Variants in WWOX observed in about 807,000 individuals in gnomAD.
WWOX encodes WW domain-containing oxidoreductase.
In WWOX, 69 loss-of-function variants were observed where a neutral mutation model predicts 46.2. The observed-to-expected ratio is 1.49, with a 90% CI of 1.23 to 1.82. The LOEUF is 1.82. WWOX is among the 40% of genes most tolerant of loss of function. The pLI, the probability that WWOX is intolerant of heterozygous loss-of-function variation, is 0.00. For missense variants in WWOX, 919 were observed against 542.6 expected, an observed-to-expected ratio of 1.69 and a Z score of -6.89; for synonymous variants, 359 against 202.6, an observed-to-expected ratio of 1.77 and a Z score of -6.56.
At chr16:78,611,436 AT>A (rs2151630875) in intron 8 of WWOX, among the ~76,000 whole-genome samples, 1 of 152,270 alleles carries the variant, frequency 6.6e-6, no homozygotes, top group East Asian at 1.9e-4. Context: ...TCTTTGGTGC[AT>A]TTTATTGTGT....
At chr16:78,693,180 G>C (rs940534560) in intron 8 of WWOX, among the ~76,000 whole-genome samples, 5 of 152,168 alleles carry the variant, frequency 3.3e-5, no homozygotes, top group Non-Finnish European at 2.9e-5. Flanking sequence ...CCCATCTCTT[G>C]TTCAACTCAG....
In WWOX at chr16:78,137,434, C is replaced by T. The variant is rs184795349; in HGVS notation, c.409+22280C>T. Among the ~76,000 whole-genome samples the T allele has an allele frequency of 8.5e-3, 1,298 of 152,216 alleles. 31 individuals are homozygous for T. The highest frequency in any genetic ancestry group is 0.03 in the African/African-American group (1,250 of 41,518). ...TCAGCATCACAGAGTTGTGAGAATT[C>T]GACAAGGTGGAATGAAAGCAACTAG... On this transcript the variant is annotated intron_variant, in intron 4 of 8. Transcript: ENST00000566780.
rs188480717 is a variant in WWOX at position 79,189,383 on chromosome 16, G to A, written c.1057-22225G>A. On this transcript the variant is annotated intron_variant, in intron 8 of 8. Coordinates refer to ENST00000566780, the MANE Select transcript of WWOX (RefSeq NM_016373.4). Reference sequence around the variant, plus strand: ...GGTGATCCTCCTGTCTCAGCCTCCCGAGTAGCTGGGACTACAGGCATGCAC... The same window carrying A: ...GGTGATCCTCCTGTCTCAGCCTCCCAAGTAGCTGGGACTACAGGCATGCAC... Among the ~76,000 whole-genome samples the A allele has an allele frequency of 4.1e-3, 616 of 150,812 alleles. 5 individuals are homozygous for A. Among genetic ancestry groups the A allele is most frequent in the African/African-American group, 0.014 (568 of 40,938 alleles).
intron 5 of WWOX, among the ~76,000 whole-genome samples, chr16:78,264,108 G>A (rs1025990792): frequency 4.8e-5 from 7 of 145,220 alleles, no homozygotes; most frequent in Non-Finnish European, 1.0e-4. Context: ...TTGTAACGGT[G>A]ATCACTTCTT....
intron 6 of WWOX, among the ~76,000 whole-genome samples, chr16:78,415,257 T>A (rs2082771650): frequency 6.6e-6 from 1 of 152,082 alleles, no homozygotes; most frequent in African/African-American, 2.4e-5. Flanking sequence ...ATGTGTACAC[T>A]GTCATGGTGC....
intron 8 of WWOX, among the ~76,000 whole-genome samples, chr16:78,989,432 G>A (rs4888902): frequency 0.13 from 19,209 of 152,160 alleles, 1,341 homozygotes; most frequent in East Asian, 0.24. Flanking sequence ...CACAAATATT[G>A]CATCCAGGCA....
intron 8 of WWOX, among the ~76,000 whole-genome samples, chr16:78,863,061 C>A (rs566846182): frequency 6.6e-6 from 1 of 150,616 alleles, no homozygotes; most frequent in African/African-American, 2.4e-5. Context: ...CAGGTTCAAG[C>A]GATTCTCCTG....
chr16:78,965,421 T>A (rs2046346481), intron 8 of WWOX, among the ~76,000 whole-genome samples: 1 of 151,964 alleles, frequency 6.6e-6, no homozygotes, highest in South Asian at 2.1e-4. Flanking sequence ...ATACAAAAAA[T>A]TAGCTGGGCA....
chr16:78,314,462 CT>C (rs2080314384), intron 5 of WWOX, among the ~76,000 whole-genome samples: 1 of 149,610 alleles, frequency 6.7e-6, no homozygotes, highest in Non-Finnish European at 1.5e-5. Context: ...ATTTATCCCC[CT>C]GCTGCCAGTA....
At chr16:78,764,967 G>A (rs1226662180) in intron 8 of WWOX, among the ~76,000 whole-genome samples, 1 of 152,090 alleles carries the variant, frequency 6.6e-6, no homozygotes, top group Non-Finnish European at 1.5e-5. Flanking sequence ...AATATTTTTT[G>A]AGCTTTCAGA....
At chr16:78,139,783 A>G (rs766691867) in intron 4 of WWOX, among the ~76,000 whole-genome samples, 1 of 152,224 alleles carries the variant, frequency 6.6e-6, no homozygotes, top group Non-Finnish European at 1.5e-5. Context: ...GGATGTGATT[A>G]CAAAGAGAGG....
intron 8 of WWOX, among the ~76,000 whole-genome samples, chr16:78,930,222 T>TTCCTTCCTTCCTTCCTTCCTTCCTTC: frequency 9.5e-6 from 1 of 104,998 alleles, no homozygotes; most frequent in East Asian, 2.4e-4. Context: ...TCAGGACCTT[T>TTCCTTCCTTCCTTCCTTCCTTCCTTC]CTTCCTTCCT....
chr16:78,626,416 G>T (rs2046312517), intron 8 of WWOX, among the ~76,000 whole-genome samples: 1 of 152,114 alleles, frequency 6.6e-6, no homozygotes, highest in South Asian at 2.1e-4. Flanking sequence ...GTGCTGGTTG[G>T]GTATTCTGTA....
rs552088259 is a variant in WWOX at position 78,464,427 on chromosome 16, G to A, written c.1056+31675G>A. ...GATCCTGGCCAAAAGTTAATGCTCCGTTTCTAGTAGTCCACAGAAAGCACC... is the reference window on the plus strand; with the variant it reads ...GATCCTGGCCAAAAGTTAATGCTCCATTTCTAGTAGTCCACAGAAAGCACC... On this transcript the variant is annotated intron_variant, in intron 8 of 8. Transcript: ENST00000566780. 9.2e-5 allele frequency among the ~76,000 whole-genome samples: 14 copies of A among 152,214 alleles called. No individual in the cohort carries two copies. In the East Asian group the frequency reaches 1.4e-3, roughly 15 times the overall value.
intron 8 of WWOX, among the ~76,000 whole-genome samples, chr16:78,579,776 A>G (rs2045001609): frequency 6.6e-6 from 1 of 152,194 alleles, no homozygotes; most frequent in African/African-American, 2.4e-5. Context: ...GTGAGAAATG[A>G]GGAGATAATA....
At chr16:79,045,780 C>CTTTTTTT (rs770463813) in intron 8 of WWOX, among the ~76,000 whole-genome samples, 32 of 54,234 alleles carry the variant, frequency 5.9e-4, no homozygotes, top group Non-Finnish European at 9.1e-4. Flanking sequence ...TTTTCTTTTC[C>CTTTTTTT]TTTTTTTTTT....
intron 8 of WWOX, among the ~76,000 whole-genome samples, chr16:78,493,098 AT>A (rs1168182982): frequency 6.6e-6 from 1 of 152,106 alleles, no homozygotes; most frequent in Non-Finnish European, 1.5e-5. Context: ...AACTCGGGGA[AT>A]TTTAGGTTTG....
At chr16:78,566,786 G>A (rs966164610) in intron 8 of WWOX, among the ~76,000 whole-genome samples, 11 of 152,154 alleles carry the variant, frequency 7.2e-5, no homozygotes, top group African/African-American at 2.2e-4. Flanking sequence ...ACTGAGCACC[G>A]ATAGAGTACC....
At chr16:78,164,636 G>A (rs2113163) in intron 5 of WWOX, among the ~76,000 whole-genome samples, 11,961 of 152,178 alleles carry the variant, frequency 0.079, 557 homozygotes, top group Non-Finnish European at 0.11. Context: ...GAAAGAAGGA[G>A]GCTTTAACCC....
Sources: gnomAD v4.1 joint callset for allele counts (sites outside exome capture counted in the v4.1 genomes callset) on GRCh38, gnomAD v4.1.1 for gene constraint, MANE v1.5 for transcripts, NCBI Gene and HGNC (gene_info 2026-07-23, HGNC 2026-07-21) for gene names.